MSRA: variants seen among roughly 807,000 people sequenced by gnomAD.
MSRA encodes mitochondrial peptide methionine sulfoxide reductase.
Under a neutral mutation model 31.3 loss-of-function variants are expected in MSRA, and 54 were observed. The ratio of observed to expected loss-of-function variants is 1.73; its 90% CI spans 1.39 to 2.17. The LOEUF is 2.17. MSRA is among the 30% of genes most tolerant of loss of function. The pLI, the probability that MSRA is intolerant of heterozygous loss-of-function variation, is 0.00. For missense variants in MSRA, 507 were observed against 300.9 expected, an observed-to-expected ratio of 1.69 and a Z score of -5.07; for synonymous variants, 169 against 116.5, an observed-to-expected ratio of 1.45 and a Z score of -2.90.
intron 5 of MSRA, among the ~76,000 whole-genome samples, chr8:10,351,075 C>A (rs1159088883): frequency 6.6e-6 from 1 of 152,212 alleles, no homozygotes; most frequent in Admixed American, 6.5e-5. Flanking sequence ...CAGCAGAATG[C>A]TGTGAGTCAG....
chr8:10,069,536 C>A lies in MSRA; in HGVS notation c.142+14878C>A, dbSNP rs1351368158. Reference sequence around the variant, plus strand: ...ATCACCGTCAACATGTCAGCAAGTTCAGTTGTCTGCTGAAGGCTGTTCTCT... The same window carrying A: ...ATCACCGTCAACATGTCAGCAAGTTAAGTTGTCTGCTGAAGGCTGTTCTCT... On this transcript the variant is annotated intron_variant, in intron 1 of 5. Coordinates refer to ENST00000317173, the MANE Select transcript of MSRA (RefSeq NM_012331.5). 3.9e-5 allele frequency among the ~76,000 whole-genome samples: 6 copies of A among 152,330 alleles called. No individual in the cohort carries two copies. In the East Asian group the frequency reaches 9.6e-4, roughly 24 times the overall value.
At chr8:10,336,164 G>C (rs576245566) in intron 5 of MSRA, among the ~76,000 whole-genome samples, 120 of 152,296 alleles carry the variant, frequency 7.9e-4, no homozygotes, top group Middle Eastern at 3.4e-3. Context: ...AGGGGCTAAT[G>C]GTTGAGGATT....
chr8:10,271,904 G>C (rs374532093), intron 3 of MSRA, among the ~76,000 whole-genome samples: 44 of 152,192 alleles, frequency 2.9e-4, no homozygotes, highest in African/African-American at 7.7e-4. Context: ...TTTTAGTAAA[G>C]ACAGAGTTGG....
intron 1 of MSRA, among the ~76,000 whole-genome samples, chr8:10,120,368 T>TA (rs139900532): frequency 0.012 from 1,874 of 152,286 alleles, 42 homozygotes; most frequent in African/African-American, 0.043. Flanking sequence ...GGAAGAGGTA[T>TA]CACTCTAAGA....
At chr8:10,153,560 C>G (rs141265627) in intron 1 of MSRA, among the ~76,000 whole-genome samples, 169 of 152,228 alleles carry the variant, frequency 1.1e-3, no homozygotes, top group African/African-American at 3.9e-3. Flanking sequence ...CATAAGGTCA[C>G]TGGGTGAGGT....
rs944985429 is a variant in MSRA, at chr8:10,398,709, G to A, written c.544-29439G>A. On this transcript the variant is annotated intron_variant, in intron 5 of 5. Transcript: ENST00000317173. ...TTCTTCTGGAAGCTGAAAGTCCAGC[G>A]GTCTGCCAGCTGGAACTGGGAGGTT... 5.9e-5 allele frequency among the ~76,000 whole-genome samples: 9 copies of A among 152,216 alleles called. No homozygotes were observed. The East Asian group carries it at 9.6e-4, about 16-fold the overall frequency.
intron 1 of MSRA, among the ~76,000 whole-genome samples, chr8:10,111,098 C>T (rs925978536): frequency 2.0e-5 from 3 of 152,154 alleles, no homozygotes; most frequent in Non-Finnish European, 4.4e-5. Flanking sequence ...GCATCTTAGT[C>T]TCCCAGTAGG....
intron 1 of MSRA, among the ~76,000 whole-genome samples, chr8:10,119,919 G>C (rs1800983029): frequency 6.6e-6 from 1 of 152,194 alleles, no homozygotes. Context: ...AGCTGGCAGA[G>C]AGCTTTGAAG....
chr8:10,397,477 G>A (rs1031455383), intron 5 of MSRA, among the ~76,000 whole-genome samples: 1 of 152,162 alleles, frequency 6.6e-6, no homozygotes, highest in Admixed American at 6.5e-5. Flanking sequence ...AGAGCTCTGG[G>A]GTATGAGCCT....
intron 2 of MSRA, among the ~76,000 whole-genome samples, chr8:10,210,942 G>A (rs1330794713): frequency 6.6e-6 from 1 of 151,134 alleles, no homozygotes; most frequent in Non-Finnish European, 1.5e-5. Context: ...TTCCATGTTG[G>A]CCAGGCTGGT....
At chr8:10,323,416 C>T (rs1802169958) in intron 5 of MSRA, among the ~76,000 whole-genome samples, 1 of 152,102 alleles carries the variant, frequency 6.6e-6, no homozygotes, top group African/African-American at 2.4e-5. Context: ...CTCCAGAATA[C>T]TGAAATATGA....
At chr8:10,097,218 T>G (rs1364322725) in intron 1 of MSRA, among the ~76,000 whole-genome samples, 1 of 152,238 alleles carries the variant, frequency 6.6e-6, no homozygotes, top group Non-Finnish European at 1.5e-5. Context: ...TTTGAACAGT[T>G]AAGCTTAAGT....
At chr8:10,206,972 C>T (rs1323683833) in intron 1 of MSRA, among the ~76,000 whole-genome samples, 1 of 152,238 alleles carries the variant, frequency 6.6e-6, no homozygotes, top group Non-Finnish European at 1.5e-5. Context: ...TGACCCATTA[C>T]ATCAAAGCGT....
intron 3 of MSRA, among the ~76,000 whole-genome samples, chr8:10,280,390 T>C (rs1425192781): frequency 6.6e-6 from 1 of 152,262 alleles, no homozygotes; most frequent in Non-Finnish European, 1.5e-5. Flanking sequence ...AGATTTCTAT[T>C]GCTGTATCCC....
chr8:10,176,774 C>G (rs1256805799), intron 1 of MSRA, among the ~76,000 whole-genome samples: 1 of 152,210 alleles, frequency 6.6e-6, no homozygotes, highest in Admixed American at 6.5e-5. Context: ...GGGCTCAGAG[C>G]AGAACCTAGT....
chr8:10,290,737 T>C (rs548846785), intron 3 of MSRA, among the ~76,000 whole-genome samples: 47 of 152,296 alleles, frequency 3.1e-4, no homozygotes, highest in African/African-American at 1.0e-3. Context: ...TTTTTAAACT[T>C]GGTGGTATAA....
chr8:10,113,717 G>A (rs1307657294), intron 1 of MSRA, among the ~76,000 whole-genome samples: 2 of 151,884 alleles, frequency 1.3e-5, no homozygotes, highest in African/African-American at 2.4e-5. Context: ...CAATCTGTGA[G>A]TTCAGGAGAT....
chr8:10,226,705 A>ATGTTTGTT (rs113012077), intron 2 of MSRA, among the ~76,000 whole-genome samples: 2 of 151,940 alleles, frequency 1.3e-5, no homozygotes, highest in Non-Finnish European at 2.9e-5. Context: ...GTATATATAT[A>ATGTTTGTT]TGTTTGTTTG....
At chr8:10,282,398 G>A (rs1238516471) in intron 3 of MSRA, among the ~76,000 whole-genome samples, 1 of 152,194 alleles carries the variant, frequency 6.6e-6, no homozygotes, top group African/African-American at 2.4e-5. Context: ...CCTCCATAAT[G>A]GATATCTGCC....
Sources: allele counts gnomAD v4.1 joint callset (sites outside exome capture counted in the v4.1 genomes callset), GRCh38; gene constraint gnomAD v4.1.1; transcripts MANE v1.5; gene names NCBI Gene and HGNC (gene_info 2026-07-23, HGNC 2026-07-21).